IGSF21: variants seen among roughly 807,000 people sequenced by gnomAD.
IGSF21 encodes the protein immunoglobin superfamily member 21.
A neutral mutation model predicts 46.8 loss-of-function variants in IGSF21; 28 were observed. That is an observed-to-expected ratio of 0.60 (90% confidence interval 0.44 to 0.82). IGSF21 has a LOEUF of 0.82. Among genes scored for constraint, IGSF21 ranks in the 40% least tolerant of loss-of-function variants. The pLI is 0.00. For synonymous variants in IGSF21, 284 were observed against 273.6 expected (o/e 1.04, Z -0.38); for missense variants, 624 against 665.5 (o/e 0.94, Z 0.69).
At chr1:18,285,329 C>T (rs755491467) in intron 2 of IGSF21, among the ~76,000 whole-genome samples, 4 of 152,072 alleles carry the variant, frequency 2.6e-5, no homozygotes, top group Non-Finnish European at 4.4e-5. Flanking sequence ...CTAAGTCCAC[C>T]GGCCACGCTT....
In IGSF21 at chr1:18,224,252, A is replaced by G. The variant is rs968087949; in HGVS notation, c.71-3646A>G. Among the ~76,000 whole-genome samples, 3 of 152,098 alleles carry G rather than the reference A, an allele frequency of 2.0e-5. No individual in the cohort carries two copies. In the East Asian group the frequency reaches 5.8e-4, roughly 29 times the overall value. On this transcript the variant is annotated intron_variant, in intron 1 of 9. Coordinates refer to ENST00000251296, the MANE Select transcript of IGSF21 (RefSeq NM_032880.5). Reference sequence around the variant, plus strand: ...CTCCAGAGTGTAAAATATGAAGAAAAATTTCCCACTCTGGCCCAAACTTGG... The same window carrying G: ...CTCCAGAGTGTAAAATATGAAGAAAGATTTCCCACTCTGGCCCAAACTTGG...
intron 2 of IGSF21, among the ~76,000 whole-genome samples, chr1:18,235,942 C>G (rs973093967): frequency 2.0e-5 from 3 of 152,010 alleles, no homozygotes; most frequent in African/African-American, 7.3e-5. Flanking sequence ...AAATGTTCTG[C>G]TTATGATTTG....
At chr1:18,313,075 C>A (rs890547848) in intron 3 of IGSF21, among the ~76,000 whole-genome samples, 9 of 152,208 alleles carry the variant, frequency 5.9e-5, no homozygotes, top group African/African-American at 2.2e-4. Flanking sequence ...CAGGGCTGAT[C>A]CTGGCCCTGA....
At chr1:18,344,974 C>A (rs1234431352) in intron 4 of IGSF21, among the ~76,000 whole-genome samples, 1 of 152,184 alleles carries the variant, frequency 6.6e-6, no homozygotes, top group African/African-American at 2.4e-5. Flanking sequence ...GGGATCCAGG[C>A]CAGAGCTGCA....
rs112468886 is a variant in IGSF21 at position 18,299,282 on chromosome 1, A to C, written c.305+7295A>C. On this transcript the variant is annotated intron_variant, in intron 3 of 9. Coordinates refer to ENST00000251296, the MANE Select transcript of IGSF21 (RefSeq NM_032880.5). Reference sequence around the variant, plus strand: ...CTCTGGAATCTGTTCAAATGAAAAAAATAAGGGATTGATTTTTAAATAGGC... The same window carrying C: ...CTCTGGAATCTGTTCAAATGAAAAACATAAGGGATTGATTTTTAAATAGGC... Among the ~76,000 whole-genome samples the C allele has an allele frequency of 3.4e-3, 513 of 152,368 alleles. 6 individuals are homozygous for C. The highest frequency in any genetic ancestry group is 0.012 in the South Asian group (59 of 4,824).
At chr1:18,312,705 T>A (rs2085501170) in intron 3 of IGSF21, among the ~76,000 whole-genome samples, 1 of 152,178 alleles carries the variant, frequency 6.6e-6, no homozygotes, top group Non-Finnish European at 1.5e-5. Flanking sequence ...TTATATTAGA[T>A]CCTTGTGGGT....
At chr1:18,292,749 C>T (rs2085279213) in intron 3 of IGSF21, among the ~76,000 whole-genome samples, 1 of 152,144 alleles carries the variant, frequency 6.6e-6, no homozygotes, top group Non-Finnish European at 1.5e-5. Flanking sequence ...TTCAGAACCC[C>T]ACTCCAGCAA....
At chr1:18,118,370 G>A (rs112141609) in intron 1 of IGSF21, among the ~76,000 whole-genome samples, 8,262 of 152,248 alleles carry the variant, frequency 0.054, 329 homozygotes, top group East Asian at 0.1. Context: ...GGCAGCACAA[G>A]CGTCCGATAC....
rs776112850 is a variant in IGSF21, at chr1:18,365,415, C to T, written c.733C>T (p.Arg245Cys). Residue 245 changes from arginine to cysteine, a missense_variant, in exon 6 of 10, where the codon CGC becomes TGC. Transcript: ENST00000251296. The surrounding 1 kb of genome is among the most constrained non-coding windows in gnomAD (Gnocchi z 4.8). Reference sequence around the variant, plus strand: ...CCGGGGTGGGCGACCCTACACGGAGCGCCCCTCCCGTGGCCTGACCCCAGA... The same window carrying T: ...CCGGGGTGGGCGACCCTACACGGAGTGCCCCTCCCGTGGCCTGACCCCAGA... Reference protein sequence around the residue: ...ENRGGRPYTERPSRGLTPDPN... With the variant: ...ENRGGRPYTECPSRGLTPDPN... The T allele has an allele frequency of 2.5e-6, 4 of 1,614,026 alleles. No individual in the cohort carries two copies. The highest frequency in any genetic ancestry group is 2.2e-5 in the East Asian group (1 of 44,844).
At chr1:18,178,313 G>T (rs550389399) in intron 1 of IGSF21, among the ~76,000 whole-genome samples, 1 of 152,284 alleles carries the variant, frequency 6.6e-6, no homozygotes, top group South Asian at 2.1e-4. Context: ...AGAAGAGGAA[G>T]TGAAACCATA....
At chr1:18,364,815 C>G (rs182721156) in intron 5 of IGSF21, among the ~76,000 whole-genome samples, 1 of 152,304 alleles carries the variant, frequency 6.6e-6, no homozygotes, top group East Asian at 1.9e-4. Context: ...CCAGGACCTC[C>G]CTGAGTGGGC....
intron 4 of IGSF21, among the ~76,000 whole-genome samples, chr1:18,358,687 C>A (rs1211363684): frequency 6.6e-6 from 1 of 152,238 alleles, no homozygotes; most frequent in African/African-American, 2.4e-5. Flanking sequence ...GGTGCACTTT[C>A]AAAACACTTT....
At chr1:18,349,928 A>G (rs74058124) in intron 4 of IGSF21, among the ~76,000 whole-genome samples, 1,528 of 152,154 alleles carry the variant, frequency 0.01, 24 homozygotes, top group African/African-American at 0.034. Flanking sequence ...AATATAACAA[A>G]TCACACGACG....
At chr1:18,208,771 G>A (rs2084360948) in intron 1 of IGSF21, among the ~76,000 whole-genome samples, 1 of 151,874 alleles carries the variant, frequency 6.6e-6, no homozygotes, top group Non-Finnish European at 1.5e-5. Flanking sequence ...TCCTTCAATA[G>A]TACATGGAAG....
intron 1 of IGSF21, among the ~76,000 whole-genome samples, chr1:18,139,365 C>G (rs1000138211): frequency 6.6e-6 from 1 of 152,080 alleles, no homozygotes; most frequent in Non-Finnish European, 1.5e-5. Context: ...CTACGTCACA[C>G]GATGATGGGG....
At chr1:18,291,300 G>A (rs1381853967) in intron 2 of IGSF21, among the ~76,000 whole-genome samples, 1 of 152,212 alleles carries the variant, frequency 6.6e-6, no homozygotes, top group Non-Finnish European at 1.5e-5. Flanking sequence ...CCCAAGACGA[G>A]GGCAAGTGCC....
At chr1:18,374,533 C>T (rs1456949940) in intron 6 of IGSF21, among the ~76,000 whole-genome samples, 1 of 146,778 alleles carries the variant, frequency 6.8e-6, no homozygotes, top group Non-Finnish European at 1.5e-5. Context: ...GGCCCTTCCA[C>T]ACGACTGGCT....
At chr1:18,305,540 G>A (rs1284118173) in intron 3 of IGSF21, among the ~76,000 whole-genome samples, 1 of 125,642 alleles carries the variant, frequency 8.0e-6, no homozygotes, top group Non-Finnish European at 1.7e-5. Context: ...TGAATGGATG[G>A]ATGGATGATG....
chr1:18,362,106 T>C lies in IGSF21; in HGVS notation c.425-9T>C. ...AGCCCTTGTCTTCCTGTGCTTCCTT[T>C]TGGGGCAGCTCCTCCCACCTCCATT... On this transcript the variant is annotated splice_polypyrimidine_tract_variant and intron_variant, in intron 4 of 9. Transcript: ENST00000251296. The C allele has an allele frequency of 1.3e-6, 2 of 1,589,606 alleles. No individual in the cohort carries two copies. Among genetic ancestry groups the C allele is most frequent in the South Asian group, 2.3e-5 (2 of 88,158 alleles).
Sources: allele counts gnomAD v4.1 joint callset (sites outside exome capture counted in the v4.1 genomes callset), GRCh38; gene constraint gnomAD v4.1.1; non-coding constraint Gnocchi (gnomAD v3.1); transcripts MANE v1.5; gene names NCBI Gene and HGNC (gene_info 2026-07-23, HGNC 2026-07-21).